KIF2A: variants seen among roughly 807,000 people sequenced by gnomAD.
KIF2A encodes kinesin-like protein KIF2A.
In KIF2A, 22 loss-of-function variants were observed where a neutral mutation model predicts 100.2. That is an observed-to-expected ratio of 0.22 (90% confidence interval 0.16 to 0.31). The LOEUF (loss-of-function observed/expected upper bound fraction) is 0.31. Ranked by LOEUF, KIF2A falls within the 10% of genes least tolerant of loss-of-function variation. The pLI is 1.00. For missense variants in KIF2A, 495 were observed against 898.7 expected (o/e 0.55, Z 5.74); for synonymous variants, 268 against 285.9 (o/e 0.94, Z 0.63).
chr5:62,309,764 A>G (rs1165158783), intron 1 of KIF2A, among the ~76,000 whole-genome samples: 1 of 152,134 alleles, frequency 6.6e-6, no homozygotes, highest in Non-Finnish European at 1.5e-5. Flanking sequence ...TGATACTCTT[A>G]CACTAATAAA....
Position 62,347,242 on chromosome 5 carries a change from A to C in KIF2A, c.159+18A>C. 7.7e-7 allele frequency: 1 copy of C among 1,298,174 alleles called. No homozygotes were observed. Among genetic ancestry groups the C allele is most frequent in the South Asian group, 1.3e-5 (1 of 79,630 alleles). 80.4% of individuals were successfully genotyped at this position (1,298,174 alleles called of 1,614,324 possible). On this transcript the variant is annotated intron_variant, in intron 2 of 20. Coordinates refer to ENST00000407818, the MANE Select transcript of KIF2A (RefSeq NM_001098511.3). ...GCAAAGAGGTAAGATCACTGAGTTT[A>C]ATTTTATTCCTAGTCCTGCAATCAA...
intron 20 of KIF2A, among the ~76,000 whole-genome samples, chr5:62,383,430 AGACGGG>A (rs2112013797): frequency 6.6e-6 from 1 of 151,346 alleles, no homozygotes; most frequent in South Asian, 2.1e-4. Flanking sequence ...TTTTTAGTAG[AGACGGG>A]GTTTCATTGT....
In KIF2A at chr5:62,306,423, GCCCTCCGGTCC is replaced by G; in HGVS notation, c.-43_-33del. 2.4e-6 allele frequency: 1 copy of G among 415,680 alleles called. No homozygotes were observed. Among genetic ancestry groups the G allele is most frequent in the Non-Finnish European group, 3.6e-6 (1 of 274,298 alleles). The allele number at this position is 415,680 out of a possible 1,614,324, so 25.7% of individuals were successfully genotyped here. A position where few individuals can be genotyped will look rare whatever the true frequency, so the allele number is the denominator to read the frequency against. On this transcript the variant is annotated 5_prime_UTR_variant, in exon 1 of 21. Transcript: ENST00000407818. ...ACCCCGCCCCCTCCCCGCCTTTTCC[GCCCTCCGGTCC>G]CCCTCCCTCGGCCCGCTGCTGCTGC...
intron 18 of KIF2A, among the ~76,000 whole-genome samples, chr5:62,374,904 G>T (rs560697790): frequency 1.3e-5 from 2 of 152,242 alleles, no homozygotes; most frequent in East Asian, 1.9e-4. Context: ...TCCAGTCTGG[G>T]CATCAGAGTG....
chr5:62,311,029 A>AT (rs1336073552), intron 1 of KIF2A, among the ~76,000 whole-genome samples: 2 of 152,130 alleles, frequency 1.3e-5, no homozygotes, highest in African/African-American at 4.8e-5. Context: ...GACTGTATTG[A>AT]TACATGTAAT....
rs768845624 is a variant in KIF2A, at chr5:62,347,103, T to C, written c.65-27T>C. ...GGAATGCCATAATTTGTGGCATTTT[T>C]AAGGTGTATACTTTATTCCCACATA... On this transcript the variant is annotated intron_variant, in intron 1 of 20. Coordinates refer to ENST00000407818, the MANE Select transcript of KIF2A (RefSeq NM_001098511.3). The C allele has an allele frequency of 1.6e-5, 21 of 1,319,314 alleles. No individual in the cohort carries two copies. In the Middle Eastern group the frequency reaches 9.1e-4, roughly 57 times the overall value. 81.7% of individuals were successfully genotyped at this position (1,319,314 alleles called of 1,614,324 possible).
chr5:62,364,751 T>C (rs112705230), intron 14 of KIF2A, among the ~76,000 whole-genome samples: 6,615 of 152,266 alleles, frequency 0.043, 453 homozygotes, highest in African/African-American at 0.15. Context: ...TTTTTTGCTG[T>C]CATTTTTTAT....
At chr5:62,330,925 AT>A (rs1233523959) in intron 1 of KIF2A, among the ~76,000 whole-genome samples, 1 of 152,104 alleles carries the variant, frequency 6.6e-6, no homozygotes, top group South Asian at 2.1e-4. Flanking sequence ...TTTAAATTAT[AT>A]TTTTTGTAGT....
intron 1 of KIF2A, among the ~76,000 whole-genome samples, chr5:62,345,976 G>A (rs2111902822): frequency 6.6e-6 from 1 of 152,008 alleles, no homozygotes; most frequent in Non-Finnish European, 1.5e-5. Flanking sequence ...TGTGCTTCTA[G>A]GAATTTGTCC....
intron 1 of KIF2A, among the ~76,000 whole-genome samples, chr5:62,327,121 C>G (rs1189698941): frequency 6.6e-6 from 1 of 152,088 alleles, no homozygotes; most frequent in Non-Finnish European, 1.5e-5. Context: ...TCTTCTTTTT[C>G]TCTGGTAAAT....
intron 1 of KIF2A, among the ~76,000 whole-genome samples, chr5:62,344,537 A>G (rs1356815201): frequency 6.6e-6 from 1 of 152,148 alleles, no homozygotes; most frequent in East Asian, 1.9e-4. Flanking sequence ...GTGTGGAGGA[A>G]TAGGTCCCAC....
chr5:62,323,492 C>T (rs924539398), intron 1 of KIF2A, among the ~76,000 whole-genome samples: 1 of 150,216 alleles, frequency 6.7e-6, no homozygotes, highest in Non-Finnish European at 1.5e-5. Context: ...CACTGCACTC[C>T]AGCCTGGGCG....
chr5:62,353,625 C>T (rs1265689692), intron 6 of KIF2A, among the ~76,000 whole-genome samples: 1 of 151,952 alleles, frequency 6.6e-6, no homozygotes, highest in East Asian at 1.9e-4. Flanking sequence ...TAAGAAAAAG[C>T]CATTGTGTTA....
intron 1 of KIF2A, among the ~76,000 whole-genome samples, chr5:62,326,478 C>T (rs980226518): frequency 1.3e-5 from 2 of 152,006 alleles, no homozygotes; most frequent in African/African-American, 4.8e-5. Flanking sequence ...ACCCAACTAC[C>T]AGCATCTGTG....
chr5:62,382,699 T>C (rs1741827025), intron 20 of KIF2A, among the ~76,000 whole-genome samples: 1 of 149,744 alleles, frequency 6.7e-6, no homozygotes, highest in African/African-American at 2.5e-5. Flanking sequence ...AATGGCACGA[T>C]CTCAGCTCAA....
intron 18 of KIF2A, among the ~76,000 whole-genome samples, chr5:62,374,112 T>C (rs1283696169): frequency 2.6e-5 from 4 of 152,098 alleles, no homozygotes; most frequent in Admixed American, 2.0e-4. Context: ...CTAGGCAGGC[T>C]GAGGTGGGAG....
At chr5:62,315,528 T>A (rs1386014755) in intron 1 of KIF2A, among the ~76,000 whole-genome samples, 2 of 152,170 alleles carry the variant, frequency 1.3e-5, no homozygotes, top group Non-Finnish European at 2.9e-5. Context: ...TCGGTTGCCC[T>A]GAGGGCAAGG....
chr5:62,316,728 C>T lies in KIF2A; in HGVS notation c.64+10192C>T, dbSNP rs142838743. Among the ~76,000 whole-genome samples, 645 of 152,198 alleles carry T rather than the reference C, an allele frequency of 4.2e-3. 7 individuals carry two copies. The highest frequency in any genetic ancestry group is 0.015 in the African/African-American group (607 of 41,518). ...TGTACCTGGTGCAGGGCATTGATAG[C>T]GCGGAGGGTGTGTGGGGTTAAGAAT... On this transcript the variant is annotated intron_variant, in intron 1 of 20. Transcript: ENST00000407818.
At chr5:62,348,619 T>A (rs1747692629) in intron 3 of KIF2A, among the ~76,000 whole-genome samples, 1 of 152,226 alleles carries the variant, frequency 6.6e-6, no homozygotes, top group Non-Finnish European at 1.5e-5. Context: ...ACTGTCATGA[T>A]ATACCTTAAA....
Sources: gnomAD v4.1 joint callset for allele counts (sites outside exome capture counted in the v4.1 genomes callset) on GRCh38, gnomAD v4.1.1 for gene constraint, MANE v1.5 for transcripts, NCBI Gene and HGNC (gene_info 2026-07-23, HGNC 2026-07-21) for gene names.